Variants in SFI1 observed in about 807,000 individuals in gnomAD.
The protein encoded by SFI1 is SFI1 centrin binding protein.
SFI1 carries 195 observed loss-of-function variants against 207.5 expected under a neutral mutation model. That is an observed-to-expected ratio of 0.94 (90% CI 0.84 to 1.06). SFI1 has a LOEUF of 1.06. Among genes scored for constraint, SFI1 ranks in the 50% least tolerant of loss-of-function variants. The pLI, the probability that SFI1 is intolerant of heterozygous loss-of-function variation, is 0.00. For synonymous variants in SFI1, 630 were observed against 598.9 expected, an observed-to-expected ratio of 1.05 and a Z score of -0.76; for missense variants, 1,634 against 1,588.0, an observed-to-expected ratio of 1.03 and a Z score of -0.49.
chr22:31,542,049 C>T (rs1023844753), intron 4 of SFI1, among the ~76,000 whole-genome samples: 2 of 139,438 alleles, frequency 1.4e-5, no homozygotes, highest in Admixed American at 7.5e-5. Flanking sequence ...TGCAGTGAGC[C>T]GAGATCACAC....
chr22:31,546,783 C>T (rs544861396), intron 4 of SFI1, 78 bp from the exon 5 acceptor site: 24 of 1,026,596 alleles, frequency 2.3e-5, no homozygotes, highest in African/African-American at 8.2e-5. Flanking sequence ...TTTCATGAGA[C>T]GGCAAGAATA....
At chr22:31,545,647 T>C (rs1372210983) in intron 4 of SFI1, among the ~76,000 whole-genome samples, 1 of 151,830 alleles carries the variant, frequency 6.6e-6, no homozygotes, top group Admixed American at 6.6e-5. Flanking sequence ...AGTGGCTCGA[T>C]CTCGGCTCAC....
At chr22:31,500,310 G>C (rs1348331331) in intron 1 of SFI1, among the ~76,000 whole-genome samples, 2 of 148,410 alleles carry the variant, frequency 1.3e-5, no homozygotes, top group Non-Finnish European at 3.0e-5. Context: ...AAAATAAATT[G>C]CCATAGCCAT....
intron 1 of SFI1, among the ~76,000 whole-genome samples, chr22:31,498,450 A>G (rs529751827): frequency 1.3e-4 from 20 of 152,194 alleles, no homozygotes; most frequent in African/African-American, 4.3e-4. Context: ...TAAAATATCA[A>G]TTCCAGCCTG....
In SFI1 at chr22:31,604,259, C is replaced by T. The variant is rs1053828508; in HGVS notation, c.1882-50C>T. ...AAATGGAGGCAAAGCAGGAAGCCAC[C>T]CCCAACTCAGACCCCAGCCCACGGT... is the stretch of plus-strand genomic sequence containing the variant. On this transcript the variant is annotated intron_variant, in intron 18 of 32. Transcript: ENST00000400288. 3.4e-6 allele frequency: 5 copies of T among 1,468,066 alleles called. No homozygotes were observed. In the East Asian group the frequency reaches 7.4e-5, roughly 22 times the overall value. 90.9% of individuals were successfully genotyped at this position (1,468,066 alleles called of 1,614,324 possible). A position where few individuals can be genotyped will look rare whatever the true frequency, so the allele number is the denominator to read the frequency against.
chr22:31,546,052 T>C (rs1490259905), intron 4 of SFI1, among the ~76,000 whole-genome samples: 1 of 151,544 alleles, frequency 6.6e-6, no homozygotes, highest in African/African-American at 2.4e-5. Context: ...GCCCCCGCTA[T>C]GCCTGGCTAA....
intron 5 of SFI1, among the ~76,000 whole-genome samples, chr22:31,548,824 C>A (rs5749299): frequency 6.6e-6 from 1 of 151,170 alleles, no homozygotes; most frequent in Non-Finnish European, 1.5e-5. Flanking sequence ...AAAAAAAATT[C>A]TTTTTTAAAT....
At chr22:31,575,118 GT>G (rs2063347140) in intron 9 of SFI1, 112 bp from the exon 10 acceptor site, 3 of 642,956 alleles carry the variant, frequency 4.7e-6, no homozygotes, top group African/African-American at 1.9e-5. Context: ...GTGTGTGTGT[GT>G]GTGGCCTTGA....
chr22:31,582,189 C>A, intron 12 of SFI1, among the ~76,000 whole-genome samples: 1 of 90,164 alleles, frequency 1.1e-5, no homozygotes, highest in African/African-American at 4.0e-5. Flanking sequence ...CCCCCAACAA[C>A]ACTTCTTTAT....
chr22:31,554,043 G>T (rs2060919879), intron 6 of SFI1, among the ~76,000 whole-genome samples: 1 of 151,092 alleles, frequency 6.6e-6, no homozygotes, highest in South Asian at 2.1e-4. Context: ...TTGCTTTGTT[G>T]CCCAGGCTGG....
At chr22:31,590,162 G>A (rs1219006803) in intron 15 of SFI1, among the ~76,000 whole-genome samples, 1 of 149,550 alleles carries the variant, frequency 6.7e-6, no homozygotes, top group Non-Finnish European at 1.5e-5. Flanking sequence ...TGAGGCCCCC[G>A]TACATTAGGA....
intron 8 of SFI1, among the ~76,000 whole-genome samples, chr22:31,567,270 A>G (rs2062414947): frequency 6.6e-6 from 1 of 152,204 alleles, no homozygotes; most frequent in South Asian, 2.1e-4. Context: ...AAATTGTCAT[A>G]TTGAGTCATT....
At chr22:31,504,712 G>C (rs927967126) in intron 1 of SFI1, among the ~76,000 whole-genome samples, 1 of 152,134 alleles carries the variant, frequency 6.6e-6, no homozygotes, top group Non-Finnish European at 1.5e-5. Flanking sequence ...GGGAGAATCT[G>C]TTCCATGCCT....
chr22:31,553,529 ATT>A (rs71202096), intron 6 of SFI1, among the ~76,000 whole-genome samples: 138 of 82,620 alleles, frequency 1.7e-3, no homozygotes, highest in Middle Eastern at 8.2e-3. Flanking sequence ...TAATTTTTGT[ATT>A]TTTTTTTTTT....
intron 10 of SFI1, among the ~76,000 whole-genome samples, chr22:31,576,547 C>CTG (rs1362546124): frequency 6.6e-6 from 1 of 151,996 alleles, no homozygotes; most frequent in African/African-American, 2.4e-5. Flanking sequence ...TCTCGAACTC[C>CTG]TGACCCAAAG....
At chr22:31,497,262 A>G (rs550490655) in intron 1 of SFI1, 1 of 152,308 alleles carries the variant, frequency 6.6e-6, no homozygotes, top group South Asian at 2.1e-4. Flanking sequence ...CGTGTTTTTT[A>G]CAAATTGAAA....
chr22:31,617,720 CAA>C (rs200768810), intron 31 of SFI1, among the ~76,000 whole-genome samples: 7 of 127,352 alleles, frequency 5.5e-5, no homozygotes, highest in Admixed American at 8.1e-5. Flanking sequence ...CACTCCATCT[CAA>C]AAAAAAAAAA....
chr22:31,574,513 C>A (rs1401323567), intron 9 of SFI1, among the ~76,000 whole-genome samples: 1 of 152,214 alleles, frequency 6.6e-6, no homozygotes, highest in Non-Finnish European at 1.5e-5. Context: ...AGCGTGGCAA[C>A]TGAATTTTAT....
At chr22:31,550,961 T>C (rs1055431060) in intron 6 of SFI1, among the ~76,000 whole-genome samples, 2 of 152,208 alleles carry the variant, frequency 1.3e-5, no homozygotes, top group Non-Finnish European at 2.9e-5. Flanking sequence ...TGCTGTTCCT[T>C]TGACTCTTCT....
Sources: allele counts gnomAD v4.1 joint callset (sites outside exome capture counted in the v4.1 genomes callset), GRCh38; gene constraint gnomAD v4.1.1; transcripts MANE v1.5; gene names NCBI Gene and HGNC (gene_info 2026-07-23, HGNC 2026-07-21).